PKNOX2: variants seen among roughly 807,000 people sequenced by gnomAD.
PKNOX2 encodes the protein PBX/knotted 1 homeobox 2.
Under a neutral mutation model 53.1 loss-of-function variants are expected in PKNOX2, and 14 were observed. The ratio of observed to expected loss-of-function variants is 0.26; its 90% CI spans 0.17 to 0.41. PKNOX2 has a LOEUF of 0.41. PKNOX2 is among the 10% of genes least tolerant of loss of function. The pLI is 1.00. For synonymous variants in PKNOX2, 257 were observed against 242.8 expected, an observed-to-expected ratio of 1.06 and a Z score of -0.54; for missense variants, 496 against 602.8, an observed-to-expected ratio of 0.82 and a Z score of 1.85.
chr11:125,389,988 C>A (rs748575465), intron 6 of PKNOX2, among the ~76,000 whole-genome samples: 2 of 152,104 alleles, frequency 1.3e-5, no homozygotes, highest in Non-Finnish European at 2.9e-5. Flanking sequence ...AGGAATCAGG[C>A]CAGAGCTCTG....
chr11:125,270,614 T>C (rs1361059136), intron 2 of PKNOX2, among the ~76,000 whole-genome samples: 1 of 152,186 alleles, frequency 6.6e-6, no homozygotes, highest in East Asian at 1.9e-4. Context: ...AGGGGACAGC[T>C]AATACACTCG....
chr11:125,185,246 G>C (rs185629535), intron 1 of PKNOX2, among the ~76,000 whole-genome samples: 116 of 152,300 alleles, frequency 7.6e-4, no homozygotes, highest in African/African-American at 2.6e-3. Flanking sequence ...TACTGAGTTT[G>C]AGCTTGAAAG....
intron 2 of PKNOX2, among the ~76,000 whole-genome samples, chr11:125,298,917 C>A (rs908512010): frequency 3.3e-5 from 5 of 152,218 alleles, no homozygotes; most frequent in African/African-American, 1.2e-4. Flanking sequence ...TTCTCCAGAT[C>A]AAGCCCTGTG....
chr11:125,178,038 G>T (rs1955829962), intron 1 of PKNOX2, among the ~76,000 whole-genome samples: 1 of 152,102 alleles, frequency 6.6e-6, no homozygotes, highest in Admixed American at 6.5e-5. Context: ...CTCATTTTTT[G>T]ATTTTATAAA....
intron 2 of PKNOX2, among the ~76,000 whole-genome samples, chr11:125,244,636 C>A (rs1943423640): frequency 6.6e-6 from 1 of 152,228 alleles, no homozygotes; most frequent in Admixed American, 6.5e-5. Flanking sequence ...ATGCACTGAA[C>A]CTATTTGTGA....
Position 125,385,218 on chromosome 11 carries a change from G to C in PKNOX2, c.228-333G>C, listed in dbSNP as rs115578349. 3.7e-3 allele frequency among the ~76,000 whole-genome samples: 561 copies of C among 152,260 alleles called. 6 individuals carry two copies. The highest frequency in any genetic ancestry group is 0.013 in the African/African-American group (530 of 41,548). On this transcript the variant is annotated intron_variant, in intron 5 of 12. Transcript: ENST00000298282. ...CACATTTCCTTCCTAGGTTGACTCTGAGCCAGAAATGGACACCTACTTCTT... is the reference window on the plus strand; with the variant it reads ...CACATTTCCTTCCTAGGTTGACTCTCAGCCAGAAATGGACACCTACTTCTT...
At chr11:125,192,742 A>G (rs1363609768) in intron 1 of PKNOX2, among the ~76,000 whole-genome samples, 1 of 152,200 alleles carries the variant, frequency 6.6e-6, no homozygotes, top group Non-Finnish European at 1.5e-5. Context: ...TTGTTCCCCA[A>G]GTCTCAGCCT....
chr11:125,350,751 C>T (rs1330346016), intron 3 of PKNOX2, among the ~76,000 whole-genome samples: 3 of 152,156 alleles, frequency 2.0e-5, no homozygotes, highest in Non-Finnish European at 4.4e-5. Flanking sequence ...AGTCTGAGGA[C>T]GGGTGAGCCC....
intron 2 of PKNOX2, among the ~76,000 whole-genome samples, chr11:125,239,255 T>C (rs983573260): frequency 4.6e-5 from 7 of 152,200 alleles, no homozygotes; most frequent in Non-Finnish European, 8.8e-5. Context: ...GAATATTGAA[T>C]GAGCAATAAA....
intron 1 of PKNOX2, among the ~76,000 whole-genome samples, chr11:125,174,181 C>T (rs1217383483): frequency 1.3e-5 from 2 of 152,122 alleles, no homozygotes; most frequent in South Asian, 2.1e-4. Context: ...AGACAGACGC[C>T]CAGAGAGTCA....
At chr11:125,236,828 G>C (rs4935915) in intron 2 of PKNOX2, among the ~76,000 whole-genome samples, 23,603 of 152,208 alleles carry the variant, frequency 0.16, 1,902 homozygotes, top group African/African-American at 0.17. Flanking sequence ...GGAGGGAAGG[G>C]TCTAAAAGTC....
At chr11:125,237,345 T>C (rs1942784504) in intron 2 of PKNOX2, among the ~76,000 whole-genome samples, 1 of 152,156 alleles carries the variant, frequency 6.6e-6, no homozygotes, top group African/African-American at 2.4e-5. Context: ...GTTGCAAAGG[T>C]CCACCTAGGT....
chr11:125,310,217 C>T (rs918481878), intron 2 of PKNOX2, among the ~76,000 whole-genome samples: 11 of 152,076 alleles, frequency 7.2e-5, no homozygotes, highest in African/African-American at 2.4e-4. Context: ...TACTATTAGG[C>T]CGGGCGCGGT....
chr11:125,215,174 T>G (rs1049055351), intron 1 of PKNOX2, among the ~76,000 whole-genome samples: 7 of 152,180 alleles, frequency 4.6e-5, no homozygotes, highest in African/African-American at 1.7e-4. Context: ...AATATCAGCT[T>G]GCTGCAAGAA....
At chr11:125,202,203 A>G (rs1029897602) in intron 1 of PKNOX2, among the ~76,000 whole-genome samples, 2 of 152,182 alleles carry the variant, frequency 1.3e-5, no homozygotes, top group African/African-American at 4.8e-5. Context: ...CCTGAATGGC[A>G]TCCCCAAGAC....
intron 2 of PKNOX2, among the ~76,000 whole-genome samples, chr11:125,296,413 A>G (rs1469767637): frequency 6.6e-6 from 1 of 152,054 alleles, no homozygotes; most frequent in Non-Finnish European, 1.5e-5. Flanking sequence ...CACTCAACAC[A>G]TGATCCCGCC....
chr11:125,411,505 TCTCTCC>T, intron 9 of PKNOX2: 13 of 414,144 alleles, frequency 3.1e-5, no homozygotes, highest in East Asian at 4.5e-5. Context: ...TCTCTCTCTC[TCTCTCC>T]CCCCCTTCCC....
chr11:125,389,950 C>T (rs904584998), intron 6 of PKNOX2, among the ~76,000 whole-genome samples: 4 of 152,132 alleles, frequency 2.6e-5, no homozygotes, highest in Non-Finnish European at 4.4e-5. Flanking sequence ...GGGCCAGAGG[C>T]GGAGGCTGTG....
At chr11:125,429,856 C>A in intron 11 of PKNOX2, 107 bp from the exon 12 acceptor site, 1 of 1,294,620 alleles carries the variant, frequency 7.7e-7, no homozygotes, top group Non-Finnish European at 1.1e-6. Context: ...ATGGGAACCC[C>A]GGTCTGCTCT....
Sources: gnomAD v4.1 joint callset for allele counts (sites outside exome capture counted in the v4.1 genomes callset) on GRCh38, gnomAD v4.1.1 for gene constraint, MANE v1.5 for transcripts, NCBI Gene and HGNC (gene_info 2026-07-23, HGNC 2026-07-21) for gene names.